The following GNAI1 variants were observed in gnomAD, a reference collection of about 807,000 sequenced individuals.
GNAI1 encodes G protein subunit alpha i1.
GNAI1 carries 11 observed loss-of-function variants against 38.9 expected under a neutral mutation model. The ratio of observed to expected loss-of-function variants is 0.28; its 90% CI spans 0.18 to 0.47. The LOEUF is 0.47. GNAI1 is among the 20% of genes least tolerant of loss of function. The pLI, the probability that GNAI1 is intolerant of heterozygous loss-of-function variation, is 0.99. For synonymous variants in GNAI1, 166 were observed against 145.1 expected (o/e 1.14, Z -1.04); for missense variants, 317 against 436.9 (o/e 0.73, Z 2.45).
intron 7 of GNAI1, among the ~76,000 whole-genome samples, chr7:80,215,814 A>T (rs966571290): frequency 2.6e-5 from 4 of 152,216 alleles, no homozygotes; most frequent in African/African-American, 4.8e-5. Flanking sequence ...AGGAAAAGTT[A>T]GATGGAGTGC....
Position 80,219,294 on chromosome 7 carries a change from TAAA to T in GNAI1, c.*1804_*1806del, listed in dbSNP as rs1261541104. On this transcript the variant is annotated 3_prime_UTR_variant, in exon 8 of 8. Transcript: ENST00000649796. Reference sequence around the variant, plus strand: ...AATTTGAATCATGAGAATTATGGGTTAAAAAGCCACAAAGAAGCACATATTGGT... The same window carrying T: ...AATTTGAATCATGAGAATTATGGGTTAAGCCACAAAGAAGCACATATTGGT... 3 of 152,626 alleles carry T rather than the reference TAAA, an allele frequency of 2.0e-5. No homozygotes were observed. The highest frequency in any genetic ancestry group is 7.2e-5 in the African/African-American group (3 of 41,452). The allele number at this position is 152,626 out of a possible 1,614,324, so 9.5% of individuals were successfully genotyped here.
chr7:80,210,113 C>T (rs1007562430), intron 5 of GNAI1, among the ~76,000 whole-genome samples: 3 of 152,076 alleles, frequency 2.0e-5, no homozygotes, highest in South Asian at 2.1e-4. Flanking sequence ...TGTACCAGTT[C>T]GCATAGTGTT....
rs150922436 is a variant in GNAI1, at chr7:80,142,558, G to A, written c.118+7280G>A. Among the ~76,000 whole-genome samples the A allele has an allele frequency of 2.0e-3, 307 of 152,308 alleles. 1 individual carries two copies. The highest frequency in any genetic ancestry group is 3.7e-3 in the Admixed American group (56 of 15,310). On this transcript the variant is annotated intron_variant, in intron 1 of 7. Transcript: ENST00000649796. ...TATGGCATTGGCCCCATCAGAGCAT[G>A]AATCTTGTCAGACTTATCATCTGAT...
intron 1 of GNAI1, among the ~76,000 whole-genome samples, chr7:80,153,020 C>T (rs1193537294): frequency 6.6e-6 from 1 of 151,798 alleles, no homozygotes; most frequent in East Asian, 1.9e-4. Context: ...ACTGTATTTA[C>T]CGAAGAATGT....
intron 5 of GNAI1, among the ~76,000 whole-genome samples, chr7:80,207,039 T>C (rs990722835): frequency 5.9e-5 from 9 of 152,046 alleles, no homozygotes; most frequent in African/African-American, 2.2e-4. Context: ...TGTGTGGAGT[T>C]GGAGTTAACA....
At chr7:80,199,190 CCT>C in intron 3 of GNAI1, 33 bp from the exon 4 acceptor site, 1 of 1,498,316 alleles carries the variant, frequency 6.7e-7, no homozygotes, top group South Asian at 1.3e-5. Context: ...CTGACGTATC[CCT>C]TTTTACTTAA....
intron 3 of GNAI1, among the ~76,000 whole-genome samples, chr7:80,194,652 A>G (rs1584041762): frequency 6.6e-6 from 1 of 152,208 alleles, no homozygotes; most frequent in Non-Finnish European, 1.5e-5. Flanking sequence ...GTAAGGATGC[A>G]CATTATTTTA....
chr7:80,158,848 G>A (rs1584016045), intron 1 of GNAI1, among the ~76,000 whole-genome samples: 1 of 152,316 alleles, frequency 6.6e-6, no homozygotes, highest in Non-Finnish European at 1.5e-5. Context: ...GATATGTAGG[G>A]AGGACCTTTC....
chr7:80,185,749 C>T (rs1049237523), intron 1 of GNAI1, among the ~76,000 whole-genome samples: 4 of 152,082 alleles, frequency 2.6e-5, no homozygotes, highest in African/African-American at 7.2e-5. Flanking sequence ...ACTGTGCTGC[C>T]TGAGATTTGT....
chr7:80,203,676 A>G (rs1157929001), intron 4 of GNAI1, 28 bp from the exon 5 acceptor site: 1 of 1,466,776 alleles, frequency 6.8e-7, no homozygotes, highest in Admixed American at 1.9e-5. Flanking sequence ...TTTACCATTA[A>G]CATGTTGTTT....
chr7:80,183,922 G>C (rs1340995937), intron 1 of GNAI1, among the ~76,000 whole-genome samples: 1 of 152,134 alleles, frequency 6.6e-6, no homozygotes, highest in South Asian at 2.1e-4. Context: ...GTAGGCTGCT[G>C]TATGTTTGAG....
intron 1 of GNAI1, among the ~76,000 whole-genome samples, chr7:80,183,754 A>G (rs1452695382): frequency 6.6e-6 from 1 of 152,148 alleles, no homozygotes; most frequent in African/African-American, 2.4e-5. Context: ...AGAGGCAGAC[A>G]CTGTTTGACT....
intron 5 of GNAI1, among the ~76,000 whole-genome samples, chr7:80,209,067 T>C (rs993369390): frequency 7.9e-5 from 12 of 152,224 alleles, no homozygotes; most frequent in Admixed American, 7.9e-4. Context: ...GAATTGTCTT[T>C]AATCTCCCTA....
chr7:80,186,127 G>A (rs1264602881), intron 1 of GNAI1, among the ~76,000 whole-genome samples: 1 of 150,052 alleles, frequency 6.7e-6, no homozygotes, highest in Admixed American at 6.8e-5. Context: ...CTGCCTCCCG[G>A]GTTCAAGCAG....
chr7:80,191,101 A>G (rs115200376), intron 3 of GNAI1, among the ~76,000 whole-genome samples: 7 of 151,498 alleles, frequency 4.6e-5, no homozygotes, highest in African/African-American at 1.7e-4. Context: ...CCTTTAGACT[A>G]TTACTTCTGT....
intron 3 of GNAI1, among the ~76,000 whole-genome samples, chr7:80,192,504 C>T (rs528651719): frequency 1.3e-5 from 2 of 152,170 alleles, no homozygotes; most frequent in East Asian, 1.9e-4. Context: ...TGTTCTTTTT[C>T]CCCACATCTG....
chr7:80,216,781 T>G (rs1001286407), intron 7 of GNAI1, among the ~76,000 whole-genome samples: 5 of 152,168 alleles, frequency 3.3e-5, no homozygotes, highest in African/African-American at 1.2e-4. Flanking sequence ...CATTCACTTT[T>G]TTTGTAACCT....
At chr7:80,137,846 C>T (rs944164433) in intron 1 of GNAI1, among the ~76,000 whole-genome samples, 2 of 152,132 alleles carry the variant, frequency 1.3e-5, no homozygotes, top group African/African-American at 2.4e-5. Context: ...GTTCCATCAC[C>T]CTAGTCCTGT....
chr7:80,186,383 T>A (rs1788387079), intron 1 of GNAI1, among the ~76,000 whole-genome samples: 1 of 152,154 alleles, frequency 6.6e-6, no homozygotes, highest in South Asian at 2.1e-4. Flanking sequence ...CACAAGCCAT[T>A]GACTGGATGT....
Sources: allele counts gnomAD v4.1 joint callset (sites outside exome capture counted in the v4.1 genomes callset), GRCh38; gene constraint gnomAD v4.1.1; transcripts MANE v1.5; gene names NCBI Gene and HGNC (gene_info 2026-07-23, HGNC 2026-07-21).